The following GABRR2 variants were observed in gnomAD, a reference collection of about 807,000 sequenced individuals.
The protein encoded by GABRR2 is gamma-aminobutyric acid receptor subunit rho-2.
Under a neutral mutation model 47.0 loss-of-function variants are expected in GABRR2, and 36 were observed. That is an observed-to-expected ratio of 0.77 (90% confidence interval 0.59 to 1.01). The LOEUF is 1.01. Among genes scored for constraint, GABRR2 ranks in the 50% least tolerant of loss-of-function variants. The probability of loss-of-function intolerance (pLI) is 0.00; values close to 1 mark genes in which losing one functional copy is unlikely to be tolerated. For synonymous variants in GABRR2, 204 were observed against 227.5 expected, an observed-to-expected ratio of 0.90 and a Z score of 0.93; for missense variants, 587 against 594.6, an observed-to-expected ratio of 0.99 and a Z score of 0.13.
At chr6:89,297,810 G>A (rs921360655) in intron 2 of GABRR2, among the ~76,000 whole-genome samples, 2 of 152,090 alleles carry the variant, frequency 1.3e-5, no homozygotes, top group African/African-American at 2.4e-5. Context: ...CTGAGATTGC[G>A]CCTCTGCACT....
At chr6:89,258,127 A>T in intron 8 of GABRR2, 146 bp from the exon 9 acceptor site, 1 of 768,830 alleles carries the variant, frequency 1.3e-6, no homozygotes, top group Non-Finnish European at 2.0e-6. Context: ...TAGTCCAACG[A>T]TCCTCTACCG....
At chr6:89,276,272 C>A (rs956931061) in intron 2 of GABRR2, among the ~76,000 whole-genome samples, 5 of 151,124 alleles carry the variant, frequency 3.3e-5, no homozygotes, top group Non-Finnish European at 7.4e-5. Context: ...TCTTTGGATA[C>A]TGAAATAAGA....
chr6:89,272,958 C>T (rs1446026029), intron 2 of GABRR2, among the ~76,000 whole-genome samples: 1 of 152,184 alleles, frequency 6.6e-6, no homozygotes, highest in African/African-American at 2.4e-5. Flanking sequence ...CTCGCTGACT[C>T]CCCCACGGCT....
intron 1 of GABRR2, chr6:89,301,768 C>T: frequency 1.4e-6 from 1 of 729,812 alleles, no homozygotes; most frequent in South Asian, 1.5e-5. Context: ...CAGCCGCCTG[C>T]CAGACACGCC....
rs775054893 is a variant in GABRR2 at position 89,257,710 on chromosome 6, T to A, written c.1358A>T (p.Tyr453Phe). The A allele has an allele frequency of 5.0e-6, 8 of 1,613,722 alleles. No homozygotes were observed. Among genetic ancestry groups the A allele is most frequent in the Non-Finnish European group, 2.5e-6 (3 of 1,179,792 alleles). The stretch of plus-strand genomic sequence containing the variant: ...CCAATAAATTAAGTTGAAAAATATG[T>A]AGGAGGCAGGGAATATCAACCTAGA... Reference protein sequence around the residue: ...KYSRLIFPASYIFFNLIYWSV... With the variant: ...KYSRLIFPASFIFFNLIYWSV... Residue 453 changes from tyrosine (Y) to phenylalanine (F), a missense_variant, in exon 9 of 9, where the codon TAC becomes TTC. By Grantham distance (22) the Tyr-to-Phe change is conservative. Coordinates refer to ENST00000402938, the MANE Select transcript of GABRR2 (RefSeq NM_002043.5).
Position 89,315,167 on chromosome 6 carries a change from T to C in GABRR2, c.-2A>G, listed in dbSNP as rs1030041452. ...AATGAGTCTTGTAAAATAAGGCATT[T>C]TGTGGACATCTGTGAGGCAAAAAGC... On this transcript the variant is annotated 5_prime_UTR_variant, in exon 1 of 9. Transcript: ENST00000402938. 4 of 1,613,900 alleles carry C rather than the reference T, an allele frequency of 2.5e-6. No homozygotes were observed. In the South Asian group the frequency reaches 4.4e-5, roughly 18 times the overall value.
At chr6:89,278,104 G>C (rs1413792687) in intron 2 of GABRR2, among the ~76,000 whole-genome samples, 1 of 152,162 alleles carries the variant, frequency 6.6e-6, no homozygotes, top group African/African-American at 2.4e-5. Flanking sequence ...TCATACAATG[G>C]AATTTCATAG....
At chr6:89,273,614 C>T (rs1774101946) in intron 2 of GABRR2, among the ~76,000 whole-genome samples, 1 of 152,188 alleles carries the variant, frequency 6.6e-6, no homozygotes, top group Non-Finnish European at 1.5e-5. Flanking sequence ...GGAGGCCCCT[C>T]CTCAGGGCTT....
chr6:89,308,900 C>T (rs139980523), intron 1 of GABRR2, among the ~76,000 whole-genome samples: 11 of 152,318 alleles, frequency 7.2e-5, no homozygotes, highest in South Asian at 4.1e-4. Context: ...CATATATTCA[C>T]GGTCCTCACA....
chr6:89,302,715 C>T (rs1767477857), intron 1 of GABRR2: 9 of 1,370,402 alleles, frequency 6.6e-6, no homozygotes, highest in African/African-American at 2.9e-5. Context: ...CACCGTGTTC[C>T]GGGGCTGCCT....
chr6:89,274,104 C>G (rs1774112837), intron 2 of GABRR2, among the ~76,000 whole-genome samples: 1 of 152,198 alleles, frequency 6.6e-6, no homozygotes, highest in African/African-American at 2.4e-5. Flanking sequence ...GTTCTCAGGG[C>G]CTGGCTTGCT....
intron 1 of GABRR2, among the ~76,000 whole-genome samples, chr6:89,309,968 G>A (rs1222978673): frequency 1.7e-5 from 2 of 121,208 alleles, no homozygotes; most frequent in African/African-American, 7.1e-5. Context: ...TTTTTTTGTA[G>A]AGACAGGGTC....
chr6:89,281,908 TCTG>T (rs1045152527), intron 2 of GABRR2, among the ~76,000 whole-genome samples: 1 of 152,134 alleles, frequency 6.6e-6, no homozygotes, highest in Non-Finnish European at 1.5e-5. Context: ...CCTATGTTGG[TCTG>T]CTGTCCATCT....
At chr6:89,307,214 AG>A (rs1033420055) in intron 1 of GABRR2, among the ~76,000 whole-genome samples, 10 of 152,206 alleles carry the variant, frequency 6.6e-5, no homozygotes, top group African/African-American at 2.4e-4. Context: ...CCTGATGCCC[AG>A]GCTGTACCCC....
intron 2 of GABRR2, among the ~76,000 whole-genome samples, chr6:89,289,771 G>A (rs1002409465): frequency 2.0e-5 from 3 of 152,148 alleles, no homozygotes; most frequent in African/African-American, 7.2e-5. Flanking sequence ...AATACCTGAG[G>A]CTGGGTAATT....
intron 3 of GABRR2, among the ~76,000 whole-genome samples, chr6:89,270,770 C>T (rs777100867): frequency 1.1e-4 from 16 of 152,140 alleles, no homozygotes; most frequent in Non-Finnish European, 2.2e-4. Flanking sequence ...TTATTTATTC[C>T]ACACATTTTC....
At chr6:89,290,239 T>A (rs767556035) in intron 2 of GABRR2, among the ~76,000 whole-genome samples, 3 of 152,234 alleles carry the variant, frequency 2.0e-5, no homozygotes, top group Non-Finnish European at 4.4e-5. Flanking sequence ...AGCAGGCTGA[T>A]GTGTGCCAGC....
chr6:89,311,052 T>C (rs995724777), intron 1 of GABRR2, among the ~76,000 whole-genome samples: 27 of 151,928 alleles, frequency 1.8e-4, no homozygotes, highest in Non-Finnish European at 1.2e-4. Context: ...CAAGGAGCTT[T>C]CACACACACA....
intron 8 of GABRR2, among the ~76,000 whole-genome samples, chr6:89,261,492 C>T (rs1228289490): frequency 6.6e-6 from 1 of 152,170 alleles, no homozygotes; most frequent in African/African-American, 2.4e-5. Flanking sequence ...GCTGAACACA[C>T]CTTGTTATTC....
Sources: gnomAD v4.1 joint callset for allele counts (sites outside exome capture counted in the v4.1 genomes callset) on GRCh38, gnomAD v4.1.1 for gene constraint, MANE v1.5 for transcripts, NCBI Gene and HGNC (gene_info 2026-07-23, HGNC 2026-07-21) for gene names.